The following BRD1 variants were observed in gnomAD, a reference collection of about 807,000 sequenced individuals.
BRD1 encodes bromodomain-containing protein 1.
A neutral mutation model predicts 107.7 loss-of-function variants in BRD1; 24 were observed. The ratio of observed to expected loss-of-function variants is 0.22; its 90% CI spans 0.16 to 0.31. The LOEUF is 0.31. BRD1 is among the 10% of genes least tolerant of loss of function. The probability of loss-of-function intolerance (pLI) is 1.00; values close to 1 mark genes in which losing one functional copy is unlikely to be tolerated. For synonymous variants in BRD1, 744 were observed against 686.1 expected, an observed-to-expected ratio of 1.08 and a Z score of -1.32; for missense variants, 1,279 against 1,638.6, an observed-to-expected ratio of 0.78 and a Z score of 3.79.
At position 49,823,187 on chromosome 22, in the gene BRD1, G is replaced by A; in HGVS notation, c.1131C>T (p.Phe377=). Residue 377 remains phenylalanine, a synonymous_variant, in exon 2 of 13, where the codon TTC becomes TTT. Coordinates refer to ENST00000404760, the MANE Select transcript of BRD1 (RefSeq NM_001304808.3). ...VKELTGGGTT[F]SVRKTAYCDV... Reference sequence around the variant, plus strand: ...CACAGTAAGCGGTCTTTCTGACGGAGAAGGTGGTGCCACCGCCAGTCAGTT... The same window carrying A: ...CACAGTAAGCGGTCTTTCTGACGGAAAAGGTGGTGCCACCGCCAGTCAGTT... 2 of 1,614,234 alleles carry A rather than the reference G, an allele frequency of 1.2e-6. No individual in the cohort carries two copies. The highest frequency in any genetic ancestry group is 1.3e-5 in the African/African-American group (1 of 75,070).
At chr22:49,784,873 G>A (rs2059292183) in intron 8 of BRD1, among the ~76,000 whole-genome samples, 1 of 152,226 alleles carries the variant, frequency 6.6e-6, no homozygotes, top group South Asian at 2.1e-4. Context: ...CGAGGGCCTG[G>A]TCTTAATGCT....
At chr22:49,791,553 T>C (rs986185614) in intron 7 of BRD1, among the ~76,000 whole-genome samples, 1 of 152,246 alleles carries the variant, frequency 6.6e-6, no homozygotes, top group Non-Finnish European at 1.5e-5. Flanking sequence ...ACGTTCATGC[T>C]GGGTTTTTAA....
In BRD1 at chr22:49,776,053, T is replaced by G; in HGVS notation, c.3228A>C (p.Ala1076=). Reference sequence around the variant, plus strand: ...GCGCCACGAGAGCCGTACTCACCAGTGCCGGGTAGGAGGGGTAGCCGCTGC... The same window carrying G: ...GCGCCACGAGAGCCGTACTCACCAGGGCCGGGTAGGAGGGGTAGCCGCTGC... ...AKCSGYPSYP[A]LIIDPKMPRV... Residue 1076 remains alanine, a synonymous_variant, in exon 11 of 13, where the codon GCA becomes GCC. Coordinates refer to ENST00000404760, the MANE Select transcript of BRD1 (RefSeq NM_001304808.3). 1 of 1,560,648 alleles carries G rather than the reference T, an allele frequency of 6.4e-7. No homozygotes were observed. Among genetic ancestry groups the G allele is most frequent in the Non-Finnish European group, 8.6e-7 (1 of 1,160,432 alleles).
intron 10 of BRD1, 135 bp from the exon 11 acceptor site, chr22:49,776,294 G>A: frequency 2.8e-6 from 2 of 726,222 alleles, no homozygotes; most frequent in Admixed American, 4.3e-5. Context: ...AGCCACCCCG[G>A]CAGCACCACT....
At chr22:49,812,689 G>A (rs1187258429) in intron 2 of BRD1, among the ~76,000 whole-genome samples, 3 of 152,200 alleles carry the variant, frequency 2.0e-5, no homozygotes, top group Non-Finnish European at 4.4e-5. Flanking sequence ...CACTAATGTC[G>A]GGAGGACTCT....
chr22:49,808,509 C>T (rs927107485), intron 2 of BRD1, among the ~76,000 whole-genome samples: 1 of 152,038 alleles, frequency 6.6e-6, no homozygotes, highest in Non-Finnish European at 1.5e-5. Flanking sequence ...GGTGAACGCC[C>T]GCAGCCAGGG....
At chr22:49,818,222 C>A in intron 2 of BRD1, 1 of 1,190,670 alleles carries the variant, frequency 8.4e-7, no homozygotes, top group Non-Finnish European at 1.1e-6. Flanking sequence ...AAAGCCTTGC[C>A]TATCTGAGGT....
chr22:49,775,790 A>G, intron 11 of BRD1, 45 bp from the exon 12 acceptor site: 3 of 1,509,402 alleles, frequency 2.0e-6, no homozygotes, highest in East Asian at 2.3e-5. Flanking sequence ...GCTCACACCC[A>G]TAAACAACCC....
At chr22:49,820,982 C>T (rs980248412) in intron 2 of BRD1, 5 of 152,246 alleles carry the variant, frequency 3.3e-5, no homozygotes, top group African/African-American at 7.2e-5. Flanking sequence ...TCTCTCTACT[C>T]GAAGCTGAAA....
intron 1 of BRD1, chr22:49,826,282 G>C: frequency 3.0e-6 from 3 of 984,588 alleles, no homozygotes; most frequent in Non-Finnish European, 3.6e-6. Context: ...TTTCTACAAG[G>C]GGAGAACTGA....
intron 1 of BRD1, among the ~76,000 whole-genome samples, chr22:49,825,171 G>A (rs930511896): frequency 2.0e-5 from 3 of 152,044 alleles, no homozygotes; most frequent in Non-Finnish European, 4.4e-5. Context: ...CTCCTTCCAC[G>A]TCCTCCTCCT....
At chr22:49,806,513 A>C (rs2059747166) in intron 2 of BRD1, 1 of 152,242 alleles carries the variant, frequency 6.6e-6, no homozygotes, top group Non-Finnish European at 1.5e-5. Flanking sequence ...CCCCCACTCA[A>C]CTCGGACAGA....
At position 49,774,015 on chromosome 22, in the gene BRD1, G is replaced by C. The variant is rs1454607501; in HGVS notation, c.*218C>G. 2.0e-6 allele frequency: 1 copy of C among 491,444 alleles called. No homozygotes were observed. The highest frequency in any genetic ancestry group is 3.9e-5 in the Admixed American group (1 of 25,700). 30.4% of individuals were successfully genotyped at this position (491,444 alleles called of 1,614,324 possible). A position where few individuals can be genotyped will look rare whatever the true frequency, so the allele number is the denominator to read the frequency against. On this transcript the variant is annotated 3_prime_UTR_variant, in exon 13 of 13. Coordinates refer to ENST00000404760, the MANE Select transcript of BRD1 (RefSeq NM_001304808.3). ...CCAGCAGCACGGCCTGGGGACGTGC[G>C]ACAGACGCACTGGGCTGCCCGGACG...
In BRD1 at chr22:49,827,362, C is replaced by T. The variant is rs2060157719; in HGVS notation, c.-15+135G>A. On this transcript the variant is annotated intron_variant, in intron 1 of 12. Transcript: ENST00000404760. Reference sequence around the variant, plus strand: ...CTCCCGGCCCGCAGACAATGCGGAGCCGCCGCCGCCGCCGCCGCCGCCAAA... The same window carrying T: ...CTCCCGGCCCGCAGACAATGCGGAGTCGCCGCCGCCGCCGCCGCCGCCAAA... 4.0e-5 allele frequency: 6 copies of T among 150,036 alleles called. No homozygotes were observed. In the South Asian group the frequency reaches 1.1e-3, roughly 27 times the overall value. 9.3% of individuals were successfully genotyped at this position (150,036 alleles called of 1,614,324 possible). A position where few individuals can be genotyped will look rare whatever the true frequency, so the allele number is the denominator to read the frequency against.
At position 49,777,789 on chromosome 22, in the gene BRD1, G is replaced by A. The variant is rs770971061; in HGVS notation, c.2882C>T (p.Ala961Val). ...DAGLTNGFGG[A>V]RSEQEPGGGL... ...GCCGCCCGGCTCCTGCTCGCTCCTC[G>A]CACCCCCAAAGCCGTTGGTGAGACC... Residue 961 changes from alanine to valine, a missense_variant, in exon 9 of 13, where the codon GCG becomes GTG. Physicochemically the swap from Ala to Val is moderately conservative, Grantham distance 64 (BLOSUM62 0). Coordinates refer to ENST00000404760, the MANE Select transcript of BRD1 (RefSeq NM_001304808.3). 35 of 1,603,160 alleles carry A rather than the reference G, an allele frequency of 2.2e-5. No homozygotes were observed. The African/African-American group carries it at 2.9e-4, about 13-fold the overall frequency.
chr22:49,787,685 G>A lies in BRD1; in HGVS notation c.2562C>T (p.Pro854=), dbSNP rs2059358094. The change falls in exon 8 of 13, where the codon CCC becomes CCT. Residue 854 remains proline, a synonymous_variant. Coordinates refer to ENST00000404760, the MANE Select transcript of BRD1 (RefSeq NM_001304808.3). ...GCACATCGCCACTACTGGCGCGGGT[G>A]GGCTCTGGAGGGCGTCCGCTTACCA... The part of the protein sequence containing the change: ...SALVSGRPPE[P]TRASSGDVPA... 1 of 1,550,664 alleles carries A rather than the reference G, an allele frequency of 6.4e-7. No individual in the cohort carries two copies. The highest frequency in any genetic ancestry group is 1.4e-5 in the African/African-American group (1 of 73,180).
intron 7 of BRD1, 138 bp downstream of exon 7, chr22:49,793,896 T>C (rs1262758224): frequency 8.2e-7 from 1 of 1,218,394 alleles, no homozygotes. Flanking sequence ...CCGGGATTTG[T>C]GAATTTTACG....
chr22:49,812,659 G>A (rs1243836347), intron 2 of BRD1, among the ~76,000 whole-genome samples: 1 of 152,234 alleles, frequency 6.6e-6, no homozygotes. Context: ...GGTGTAAAGA[G>A]TCCAAGCTTC....
intron 6 of BRD1, 152 bp from the exon 7 acceptor site, chr22:49,794,446 C>T: frequency 1.0e-6 from 1 of 966,658 alleles, no homozygotes; most frequent in Non-Finnish European, 1.5e-6. Flanking sequence ...AGGCCCCTCC[C>T]CTGCACTCTG....
Sources: allele counts gnomAD v4.1 joint callset (sites outside exome capture counted in the v4.1 genomes callset), GRCh38; gene constraint gnomAD v4.1.1; transcripts MANE v1.5; gene names NCBI Gene and HGNC (gene_info 2026-07-23, HGNC 2026-07-21).